Variants in PRSS8 observed in about 807,000 individuals in gnomAD.
PRSS8 encodes serine protease 8.
In PRSS8, 11 loss-of-function variants were observed where a neutral mutation model predicts 26.7. The observed-to-expected ratio is 0.41, with a 90% confidence interval of 0.26 to 0.68. The LOEUF (loss-of-function observed/expected upper bound fraction) is 0.68, where lower values mean the gene tolerates loss of function less well. PRSS8 is among the 30% of genes least tolerant of loss of function. The pLI, the probability that PRSS8 is intolerant of heterozygous loss-of-function variation, is 0.30. For missense variants in PRSS8, 362 were observed against 443.5 expected (o/e 0.82, Z 1.65); for synonymous variants, 183 against 187.0 (o/e 0.98, Z 0.17).
At position 31,132,353 on chromosome 16, in the gene PRSS8, ACAG is replaced by A. The variant is rs1274401210; in HGVS notation, c.706-21_706-19del. 1 of 1,613,810 alleles carries A rather than the reference ACAG, an allele frequency of 6.2e-7. No homozygotes were observed. Among genetic ancestry groups the A allele is most frequent in the Non-Finnish European group, 8.5e-7 (1 of 1,179,866 alleles). On this transcript the variant is annotated intron_variant, in intron 5 of 5. Coordinates refer to ENST00000317508, the MANE Select transcript of PRSS8 (RefSeq NM_002773.5). The surrounding 1 kb of genome is among the most constrained non-coding windows in gnomAD (Gnocchi z 5.2). ...GAGTCACCCTGAGGAGAGAAGCCAC[ACAG>A]CAGCCATCAGGACCGGGCCAGGCCT...
rs2057589959 is a variant in PRSS8, at chr16:31,133,141, C to T, written c.266+85G>A. ...CAGACTTAGAACTGACACTCTCAGACCCAACCCAAGAACCCCAACCTCTGA... is the reference window on the plus strand; with the variant it reads ...CAGACTTAGAACTGACACTCTCAGATCCAACCCAAGAACCCCAACCTCTGA... On this transcript the variant is annotated intron_variant, in intron 3 of 5. Coordinates refer to ENST00000317508, the MANE Select transcript of PRSS8 (RefSeq NM_002773.5). This position sits in a 1 kb window ranked among gnomAD's most constrained non-coding sequence, Gnocchi z 4.7. The T allele has an allele frequency of 6.2e-7, 1 of 1,600,642 alleles. No individual in the cohort carries two copies.
intron 1 of PRSS8, 22 bp from the exon 2 acceptor site, chr16:31,135,193 A>G: frequency 6.2e-7 from 1 of 1,612,564 alleles, no homozygotes; most frequent in South Asian, 1.1e-5. Context: ...GAGAAAGAGG[A>G]GGGGTGAGTA....
chr16:31,132,590 G>A lies in PRSS8; in HGVS notation c.544C>T (p.Leu182Phe). The change falls in exon 5 of 6, where the codon CTC becomes TTC. Residue 182 changes from leucine to phenylalanine, a missense_variant. Coordinates refer to ENST00000317508, the MANE Select transcript of PRSS8 (RefSeq NM_002773.5). This position sits in a 1 kb window ranked among gnomAD's most constrained non-coding sequence, Gnocchi z 5.2. ...TGCTGCAGTGGCTTGGGCGTCAGGA[G>A]GCTCACTGTGGGGGTAAAAGAGGCT... ...GWGHVAPSVS[L>F]LTPKPLQQLE... 6.2e-7 allele frequency: 1 copy of A among 1,614,020 alleles called. No individual in the cohort carries two copies. The highest frequency in any genetic ancestry group is 8.5e-7 in the Non-Finnish European group (1 of 1,179,882).
At position 31,132,799 on chromosome 16, in the gene PRSS8, T is replaced by C. The variant is rs773290234; in HGVS notation, c.421A>G (p.Ser141Gly). 1 of 1,613,916 alleles carries C rather than the reference T, an allele frequency of 6.2e-7. No homozygotes were observed. The highest frequency in any genetic ancestry group is 1.1e-5 in the South Asian group (1 of 91,086). The change falls in exon 4 of 6, where the codon AGC becomes GGC. Residue 141 changes from serine to glycine, a missense_variant. By Grantham distance (56) the Ser-to-Gly change is moderately conservative. Coordinates refer to ENST00000317508, the MANE Select transcript of PRSS8 (RefSeq NM_002773.5). This position sits in a 1 kb window ranked among gnomAD's most constrained non-coding sequence, Gnocchi z 5.2. Reference protein sequence around the residue: ...SQGDIALLQLSRPITFSRYIR... With the variant: ...SQGDIALLQLGRPITFSRYIR... ...TAGCGGGAGAAGGTGATGGGTCTGC[T>C]GAGTTGGAGGAGTGCAATGTCGCCC...
chr16:31,132,017 C>T lies in PRSS8; in HGVS notation c.1024G>A (p.Glu342Lys), dbSNP rs79897839. The T allele has an allele frequency of 7.6e-6, 12 of 1,569,118 alleles. No homozygotes were observed. The highest frequency in any genetic ancestry group is 4.7e-5 in the East Asian group (2 of 42,860). ...CTGGAAGTAGGGCCAGCTCAGTGCT[C>T]GCTGAGCCATGGGGAGAGGAGGCCC... ...ALGLLSPWLS[E>K]H The change falls in exon 6 of 6, where the codon GAG becomes AAG. Residue 342 changes from glutamate (E) to lysine (K), a missense_variant. Physicochemically the swap from Glu to Lys is moderately conservative, Grantham distance 56. Coordinates refer to ENST00000317508, the MANE Select transcript of PRSS8 (RefSeq NM_002773.5). This position sits in a 1 kb window ranked among gnomAD's most constrained non-coding sequence, Gnocchi z 5.2.
intron 1 of PRSS8, 41 bp from the exon 2 acceptor site, chr16:31,135,212 T>A: frequency 6.2e-7 from 1 of 1,612,144 alleles, no homozygotes; most frequent in Non-Finnish European, 8.5e-7. Flanking sequence ...TAGGGAAGAC[T>A]CGGGTTCCCT....
chr16:31,131,807 C>A lies in PRSS8; in HGVS notation c.*202G>T. On this transcript the variant is annotated 3_prime_UTR_variant, in exon 6 of 6. Coordinates refer to ENST00000317508, the MANE Select transcript of PRSS8 (RefSeq NM_002773.5). ...CAGAGGCTCTGGCCATTGCTACAGG[C>A]AGTAAAACTCCTGACTCTCAGTGAT... The A allele has an allele frequency of 3.3e-6, 2 of 597,878 alleles. No homozygotes were observed. Among genetic ancestry groups the A allele is most frequent in the Non-Finnish European group, 5.7e-6 (2 of 347,886 alleles). 37.0% of individuals were successfully genotyped at this position (597,878 alleles called of 1,614,324 possible). A position where few individuals can be genotyped will look rare whatever the true frequency, so the allele number is the denominator to read the frequency against.
In PRSS8 at chr16:31,135,500, G is replaced by T. The variant is rs1377068272; in HGVS notation, c.-2C>A. On this transcript the variant is annotated 5_prime_UTR_variant, in exon 1 of 6. Transcript: ENST00000317508. Reference sequence around the variant, plus strand: ...CCCCAGGACCCCCTTCTGGGCCATGGCCCAGGACAAGGGCCCCTGGGGCAG... The same window carrying T: ...CCCCAGGACCCCCTTCTGGGCCATGTCCCAGGACAAGGGCCCCTGGGGCAG... 2 of 1,550,656 alleles carry T rather than the reference G, an allele frequency of 1.3e-6. No homozygotes were observed. The highest frequency in any genetic ancestry group is 8.7e-7 in the Non-Finnish European group (1 of 1,150,278).
rs758401004 is a variant in PRSS8 at position 31,132,657 on chromosome 16, C to T, written c.538+25G>A. ...CCAAGTCAGGTGCCCCTCCACACCT[C>T]TAGGCACCCAGCGTCCCACCTCACC... On this transcript the variant is annotated intron_variant, in intron 4 of 5. Transcript: ENST00000317508. The surrounding 1 kb of genome is among the most constrained non-coding windows in gnomAD (Gnocchi z 5.2). 9.3e-6 allele frequency: 15 copies of T among 1,613,506 alleles called. No homozygotes were observed. Among genetic ancestry groups the T allele is most frequent in the Non-Finnish European group, 9.3e-6 (11 of 1,179,654 alleles).
intron 2 of PRSS8, 26 bp downstream of exon 2, chr16:31,135,128 T>A (rs781589485): frequency 1.2e-6 from 2 of 1,610,182 alleles, no homozygotes; most frequent in Admixed American, 1.7e-5. Flanking sequence ...CCCCCTCCCC[T>A]CCTCCCTCTC....
rs1287212819 is a variant in PRSS8 at position 31,132,129 on chromosome 16, G to T, written c.912C>A (p.Asn304Lys). ...PQTQESQPDS[N>K]LCGSHLAFSS... ...TGAAGGCCAGGTGGCTGCCACAGAGGTTGCTGTCGGGCTGGGACTCCTGGG... is the reference window on the plus strand; with the variant it reads ...TGAAGGCCAGGTGGCTGCCACAGAGTTTGCTGTCGGGCTGGGACTCCTGGG... Residue 304 changes from asparagine (N) to lysine (K), a missense_variant, in exon 6 of 6, where the codon AAC (asparagine) becomes AAA (lysine). Physicochemically the swap from Asn to Lys is moderately conservative, Grantham distance 94. Coordinates refer to ENST00000317508, the MANE Select transcript of PRSS8 (RefSeq NM_002773.5). The surrounding 1 kb of genome is among the most constrained non-coding windows in gnomAD (Gnocchi z 5.2). 2 of 1,613,488 alleles carry T rather than the reference G, an allele frequency of 1.2e-6. No individual in the cohort carries two copies. The highest frequency in any genetic ancestry group is 2.7e-5 in the African/African-American group (2 of 74,946).
chr16:31,132,343 G>C lies in PRSS8; in HGVS notation c.706-8C>G, dbSNP rs2057584747. On this transcript the variant is annotated splice_region_variant and splice_polypyrimidine_tract_variant and intron_variant, in intron 5 of 5. Transcript: ENST00000317508. The surrounding 1 kb of genome is among the most constrained non-coding windows in gnomAD (Gnocchi z 5.2). ...TGGGCCCCCAGAGTCACCCTGAGGA[G>C]AGAAGCCACACAGCAGCCATCAGGA... 2.5e-6 allele frequency: 4 copies of C among 1,613,810 alleles called. No individual in the cohort carries two copies. Among genetic ancestry groups the C allele is most frequent in the South Asian group, 1.1e-5 (1 of 91,084 alleles).
rs914819482 is a variant in PRSS8, at chr16:31,135,634, G to T, written c.-136C>A. On this transcript the variant is annotated 5_prime_UTR_variant, in exon 1 of 6. Coordinates refer to ENST00000317508, the MANE Select transcript of PRSS8 (RefSeq NM_002773.5). ...TCCGGGCTGGAAAGGGGCAGCAAGT[G>T]TCCAAGGCTGGCCTCTAAGGCAGGG... 1.9e-5 allele frequency: 15 copies of T among 769,516 alleles called. No homozygotes were observed. Among genetic ancestry groups the T allele is most frequent in the Non-Finnish European group, 2.9e-5 (14 of 481,916 alleles). The allele number at this position is 769,516 out of a possible 1,614,324, so 47.7% of individuals were successfully genotyped here. A position where few individuals can be genotyped will look rare whatever the true frequency, so the allele number is the denominator to read the frequency against.
At chr16:31,135,118 C>A in intron 2 of PRSS8, 36 bp downstream of exon 2, 1 of 1,608,200 alleles carries the variant, frequency 6.2e-7, no homozygotes, top group Non-Finnish European at 8.5e-7. Context: ...CAAGTCACCT[C>A]CCCCTCCCCT....
chr16:31,135,666 C>T lies in PRSS8; in HGVS notation c.-168G>A, dbSNP rs2057602984. The T allele has an allele frequency of 7.9e-6, 5 of 632,168 alleles. No homozygotes were observed. Among genetic ancestry groups the T allele is most frequent in the South Asian group, 4.1e-5 (2 of 48,870 alleles). 39.2% of individuals were successfully genotyped at this position (632,168 alleles called of 1,614,324 possible). ...GCTGGCCTCTAAGGCAGGGAGCGGC[C>T]GCAACGGGAGACGCCTGGAGTATCC... On this transcript the variant is annotated 5_prime_UTR_variant, in exon 1 of 6. Coordinates refer to ENST00000317508, the MANE Select transcript of PRSS8 (RefSeq NM_002773.5).
rs752091356 is a variant in PRSS8, at chr16:31,132,429, C to T, written c.705G>A (p.Gln235=). 2.5e-6 allele frequency: 4 copies of T among 1,613,702 alleles called. No individual in the cohort carries two copies. The East Asian group carries it at 6.7e-5, about 27-fold the overall frequency. ...GYVEGGKDAC[Q]GDSGGPLSCP... ...ATCTGCCCCCCGGGCCTGTGCTTAC[C>T]TGGCAGGCGTCCTTGCCCCCCTCCA... Residue 235 remains glutamine, a splice_region_variant and synonymous_variant, in exon 5 of 6, where the codon CAG becomes CAA. Coordinates refer to ENST00000317508, the MANE Select transcript of PRSS8 (RefSeq NM_002773.5). This position sits in a 1 kb window ranked among gnomAD's most constrained non-coding sequence, Gnocchi z 5.2.
Position 31,133,488 on chromosome 16 carries a change from T to C in PRSS8, c.104-100A>G. Reference sequence around the variant, plus strand: ...AGCTTGGGAAGTGGGTTCACAGGAGTCAACACCCCTTTGTCCCCTCCCAGG... The same window carrying C: ...AGCTTGGGAAGTGGGTTCACAGGAGCCAACACCCCTTTGTCCCCTCCCAGG... On this transcript the variant is annotated intron_variant, in intron 2 of 5. Coordinates refer to ENST00000317508, the MANE Select transcript of PRSS8 (RefSeq NM_002773.5). This position sits in a 1 kb window ranked among gnomAD's most constrained non-coding sequence, Gnocchi z 4.7. 7.0e-7 allele frequency: 1 copy of C among 1,426,150 alleles called. No homozygotes were observed. The highest frequency in any genetic ancestry group is 9.5e-7 in the Non-Finnish European group (1 of 1,054,766). The allele number at this position is 1,426,150 out of a possible 1,614,324, so 88.3% of individuals were successfully genotyped here. A position where few individuals can be genotyped will look rare whatever the true frequency, so the allele number is the denominator to read the frequency against.
chr16:31,134,729 C>G (rs927921643), intron 2 of PRSS8: 40 of 202,738 alleles, frequency 2.0e-4, no homozygotes, highest in Admixed American at 4.3e-4. Context: ...TGATGGCATG[C>G]ACCTGTAGTC....
At chr16:31,134,670 C>G (rs1211933777) in intron 2 of PRSS8, 1 of 169,080 alleles carries the variant, frequency 5.9e-6, no homozygotes, top group East Asian at 1.7e-4. Flanking sequence ...AGACCCACAT[C>G]TCTACCAAAC....
Sources: gnomAD v4.1 joint callset for allele counts on GRCh38, gnomAD v4.1.1 for gene constraint, Gnocchi (gnomAD v3.1) non-coding constraint, MANE v1.5 for transcripts, NCBI Gene and HGNC (gene_info 2026-07-23, HGNC 2026-07-21) for gene names.